The following CEP41 variants were observed in gnomAD, a reference collection of about 807,000 sequenced individuals.
The protein encoded by CEP41 is centrosomal protein 41.
In CEP41, 32 loss-of-function variants were observed where a neutral mutation model predicts 44.3. The ratio of observed to expected loss-of-function variants is 0.72; its 90% CI spans 0.54 to 0.97. The LOEUF (loss-of-function observed/expected upper bound fraction) is 0.97, where lower values mean the gene tolerates loss of function less well. CEP41 is among the 50% of genes least tolerant of loss of function. The pLI is 0.00. For missense variants in CEP41, 432 were observed against 455.2 expected (o/e 0.95, Z 0.46); for synonymous variants, 151 against 168.5 (o/e 0.90, Z 0.80).
intron 1 of CEP41, among the ~76,000 whole-genome samples, chr7:130,435,953 G>A (rs782702446): frequency 1.3e-5 from 2 of 152,140 alleles, no homozygotes; most frequent in Non-Finnish European, 2.9e-5. Context: ...AGGAGTTCAA[G>A]ACCAGCCTGG....
chr7:130,399,997 G>T, intron 10 of CEP41, 42 bp downstream of exon 10: 1 of 1,313,454 alleles, frequency 7.6e-7, no homozygotes, highest in Non-Finnish European at 1.1e-6. Context: ...GATATTCAAA[G>T]CTGCAAACCA....
intron 10 of CEP41, 120 bp from the exon 11 acceptor site, chr7:130,399,159 T>C (rs1286540418): frequency 9.4e-6 from 12 of 1,273,396 alleles, no homozygotes; most frequent in African/African-American, 1.5e-5. Context: ...AATGAAGTCC[T>C]ATGCAGTATC....
intron 3 of CEP41, among the ~76,000 whole-genome samples, chr7:130,415,068 T>C (rs1379944086): frequency 2.6e-5 from 4 of 152,328 alleles, no homozygotes; most frequent in South Asian, 2.1e-4. Flanking sequence ...AAATTGTCAA[T>C]AGACATAGAG....
Position 130,396,865 on chromosome 7 carries a change from A to G in CEP41, c.*2026T>C, listed in dbSNP as rs1554414808. On this transcript the variant is annotated 3_prime_UTR_variant, in exon 11 of 11. Transcript: ENST00000223208. Reference sequence around the variant, plus strand: ...GTCTGGCTGACCTGGCTTTCCACATATATACAGTGGTTTCTAATACTCCAA... The same window carrying G: ...GTCTGGCTGACCTGGCTTTCCACATGTATACAGTGGTTTCTAATACTCCAA... 9 of 448,410 alleles carry G rather than the reference A, an allele frequency of 2.0e-5. No homozygotes were observed. Among genetic ancestry groups the G allele is most frequent in the Non-Finnish European group, 3.1e-5 (7 of 224,062 alleles). The allele number at this position is 448,410 out of a possible 1,614,324, so 27.8% of individuals were successfully genotyped here.
At chr7:130,441,152 C>G (rs1798151091), upstream of CEP41, 1 of 724,510 alleles carries the variant, frequency 1.4e-6, no homozygotes. Flanking sequence ...GGGCAAGACG[C>G]CGCTCAATGG....
At chr7:130,419,838 T>A (rs549843813) in intron 2 of CEP41, 1 of 985,328 alleles carries the variant, frequency 1.0e-6, no homozygotes, top group Non-Finnish European at 1.2e-6. Context: ...GGAAGTGACC[T>A]TTCCCTCCTC....
At chr7:130,429,211 G>C (rs1179159440) in intron 1 of CEP41, among the ~76,000 whole-genome samples, 1 of 152,196 alleles carries the variant, frequency 6.6e-6, no homozygotes, top group Non-Finnish European at 1.5e-5. Flanking sequence ...GCCCCAGGTG[G>C]GCAGGCTCCC....
chr7:130,427,362 T>C (rs1477167261), intron 2 of CEP41, among the ~76,000 whole-genome samples: 2 of 152,026 alleles, frequency 1.3e-5, no homozygotes, highest in Non-Finnish European at 1.5e-5. Context: ...CACTGAAAAA[T>C]GGGAACAGCG....
intron 2 of CEP41, among the ~76,000 whole-genome samples, chr7:130,417,931 G>A (rs1797382908): frequency 6.6e-6 from 1 of 152,112 alleles, no homozygotes; most frequent in South Asian, 2.1e-4. Flanking sequence ...ACATTTTCAA[G>A]GACTATTCTG....
At chr7:130,428,926 T>A (rs201681305) in intron 1 of CEP41, among the ~76,000 whole-genome samples, 157 of 151,514 alleles carry the variant, frequency 1.0e-3, no homozygotes, top group African/African-American at 1.7e-3. Flanking sequence ...AATAAATAAA[T>A]AAATAAATAA....
intron 5 of CEP41, among the ~76,000 whole-genome samples, chr7:130,410,464 C>G (rs1797148449): frequency 6.6e-6 from 1 of 152,202 alleles, no homozygotes; most frequent in Admixed American, 6.5e-5. Context: ...CAAGAAGACA[C>G]TGGATGCTAC....
At position 130,400,037 on chromosome 7, in the gene CEP41, A is replaced by T; in HGVS notation, c.973+2T>A. On this transcript the variant is annotated splice_donor_variant, in intron 10 of 10. Coordinates refer to ENST00000223208, the MANE Select transcript of CEP41 (RefSeq NM_018718.3). LOFTEE classifies it high-confidence loss of function. Reference sequence around the variant, plus strand: ...TTATCTTTAAAGGTCAAAAGATCTTACTAGGATGATCTGCAGGCCCTTGCT... The same window carrying T: ...TTATCTTTAAAGGTCAAAAGATCTTTCTAGGATGATCTGCAGGCCCTTGCT... The T allele has an allele frequency of 6.3e-7, 1 of 1,580,136 alleles. No individual in the cohort carries two copies.
intron 8 of CEP41, among the ~76,000 whole-genome samples, chr7:130,401,619 G>T (rs1562977889): frequency 6.6e-6 from 1 of 151,926 alleles, no homozygotes; most frequent in African/African-American, 2.4e-5. Flanking sequence ...TTTCTGGGAG[G>T]AAAAAAACTC....
chr7:130,434,456 C>T (rs1271481244), intron 1 of CEP41, among the ~76,000 whole-genome samples: 1 of 152,100 alleles, frequency 6.6e-6, no homozygotes, highest in Non-Finnish European at 1.5e-5. Flanking sequence ...TGACAAAGGA[C>T]TACTATCTCA....
rs1001691967 is a variant in CEP41, at chr7:130,411,326, G to A, written c.208-135C>T. On this transcript the variant is annotated intron_variant, in intron 4 of 10. Coordinates refer to ENST00000223208, the MANE Select transcript of CEP41 (RefSeq NM_018718.3). The stretch of plus-strand genomic sequence containing the variant: ...TAAGAAGCTGTCAGTGTCCTCAACT[G>A]AACGCTGAATCTCAGGCCTCCTTCC... 203 of 735,818 alleles carry A rather than the reference G, an allele frequency of 2.8e-4. 2 individuals are homozygous for A. The highest frequency in any genetic ancestry group is 4.6e-5 in the Non-Finnish European group (19 of 413,212). 45.6% of individuals were successfully genotyped at this position (735,818 alleles called of 1,614,324 possible).
Position 130,398,125 on chromosome 7 carries a change from G to A in CEP41, c.*766C>T, listed in dbSNP as rs1796725388. 2.2e-6 allele frequency: 1 copy of A among 453,878 alleles called. No homozygotes were observed. Among genetic ancestry groups the A allele is most frequent in the Non-Finnish European group, 4.4e-6 (1 of 226,694 alleles). 28.1% of individuals were successfully genotyped at this position (453,878 alleles called of 1,614,324 possible). On this transcript the variant is annotated 3_prime_UTR_variant, in exon 11 of 11. Transcript: ENST00000223208. ...ACCACAAGTGAGGGCCGCTTTGGTG[G>A]GCTTCAAGGGGCACAGGCCGGTGTG...
rs1554416646 is a variant in CEP41, at chr7:130,400,689, G to A, written c.757+18C>T. ...TGATCAGCCTTTGAAGTCCCAAGCA[G>A]AGTATCACCTTGCTCACCTCCGGAA... On this transcript the variant is annotated intron_variant, in intron 9 of 10. Coordinates refer to ENST00000223208, the MANE Select transcript of CEP41 (RefSeq NM_018718.3). The A allele has an allele frequency of 6.7e-7, 1 of 1,487,808 alleles. No individual in the cohort carries two copies. Among genetic ancestry groups the A allele is most frequent in the East Asian group, 2.3e-5 (1 of 44,186 alleles). 92.2% of individuals were successfully genotyped at this position (1,487,808 alleles called of 1,614,324 possible). A position where few individuals can be genotyped will look rare whatever the true frequency, so the allele number is the denominator to read the frequency against.
chr7:130,439,196 ATT>A (rs1554426904), intron 1 of CEP41, among the ~76,000 whole-genome samples: 1 of 152,100 alleles, frequency 6.6e-6, no homozygotes, highest in Non-Finnish European at 1.5e-5. Context: ...TAGTAAATAT[ATT>A]TTCTCTTCCT....
Position 130,398,817 on chromosome 7 carries a change from T to C in CEP41, c.*74A>G, listed in dbSNP as rs782741933. On this transcript the variant is annotated 3_prime_UTR_variant, in exon 11 of 11. Coordinates refer to ENST00000223208, the MANE Select transcript of CEP41 (RefSeq NM_018718.3). ...TTTCCTCTGCAGAAGTTTCTGGAAA[T>C]GACCCAACTTGGGAAATGCTCAGGG... 6.4e-7 allele frequency: 1 copy of C among 1,560,680 alleles called. No homozygotes were observed. The highest frequency in any genetic ancestry group is 8.8e-7 in the Non-Finnish European group (1 of 1,132,718).
Sources: allele counts gnomAD v4.1 joint callset (sites outside exome capture counted in the v4.1 genomes callset), GRCh38; gene constraint gnomAD v4.1.1; transcripts MANE v1.5; gene names NCBI Gene and HGNC (gene_info 2026-07-23, HGNC 2026-07-21).